The following SLIT2 variants were observed in gnomAD, a reference collection of about 807,000 sequenced individuals.
SLIT2 encodes the protein slit guidance ligand 2, also known as slit homolog 2 protein.
Under a neutral mutation model 185.7 loss-of-function variants are expected in SLIT2, and 41 were observed. The ratio of observed to expected loss-of-function variants is 0.22; its 90% CI spans 0.17 to 0.29. The LOEUF (loss-of-function observed/expected upper bound fraction) is 0.29. SLIT2 is among the 10% of genes least tolerant of loss of function. The probability of loss-of-function intolerance (pLI) is 1.00; values close to 1 mark genes in which losing one functional copy is unlikely to be tolerated. For missense variants in SLIT2, 1,571 were observed against 1,909.0 expected (o/e 0.82, Z 3.30); for synonymous variants, 693 against 680.2 (o/e 1.02, Z -0.29).
At chr4:20,263,029 C>T (rs1450010689) in intron 3 of SLIT2, among the ~76,000 whole-genome samples, 8 of 151,758 alleles carry the variant, frequency 5.3e-5, no homozygotes, top group Non-Finnish European at 2.9e-5. Context: ...CTTTATACCT[C>T]CCCTGAAATG....
At position 20,283,371 on chromosome 4, in the gene SLIT2, G is replaced by T. The variant is rs1325183853; in HGVS notation, c.395+14490G>T. ...TTGGAGCCAAAAGCTTTTATTTTAT[G>T]TACAATTTGGAGATGATTGGTGGAC... On this transcript the variant is annotated intron_variant, in intron 4 of 36. Transcript: ENST00000504154. Among the ~76,000 whole-genome samples the T allele has an allele frequency of 2.6e-5, 4 of 152,216 alleles. No individual in the cohort carries two copies. In the South Asian group the frequency reaches 6.2e-4, roughly 24 times the overall value.
Position 20,472,469 on chromosome 4 carries a change from T to G in SLIT2, c.467+4646T>G, listed in dbSNP as rs1235073507. ...ATCTATATAGATATATCTATATCTA[T>G]ATATAGATATATATCTATATATAGA... On this transcript the variant is annotated intron_variant, in intron 5 of 36. Transcript: ENST00000504154. Among the ~76,000 whole-genome samples the G allele has an allele frequency of 3.3e-4, 18 of 55,192 alleles. 3 individuals are homozygous for G. The highest frequency in any genetic ancestry group is 8.9e-5 in the Non-Finnish European group (3 of 33,554). 36.2% of individuals were successfully genotyped at this position (55,192 alleles called of 152,430 possible).
chr4:20,488,737 C>A, intron 7 of SLIT2, 82 bp from the exon 8 acceptor site: 2 of 973,180 alleles, frequency 2.1e-6, no homozygotes, highest in Non-Finnish European at 3.0e-6. Context: ...TTATCTACTT[C>A]TATGTTAAGA....
chr4:20,611,480 T>C (rs1328866729), intron 34 of SLIT2, among the ~76,000 whole-genome samples: 2 of 152,244 alleles, frequency 1.3e-5, no homozygotes, highest in Non-Finnish European at 2.9e-5. Context: ...AAGTCAAGAA[T>C]GCAGAGGCAT....
chr4:20,264,062 G>A (rs1203005521), intron 3 of SLIT2, among the ~76,000 whole-genome samples: 4 of 151,858 alleles, frequency 2.6e-5, no homozygotes, highest in African/African-American at 9.7e-5. Flanking sequence ...GAAATACCGG[G>A]AAGTAAGGGG....
chr4:20,293,154 T>C (rs1716133498), intron 4 of SLIT2, among the ~76,000 whole-genome samples: 1 of 152,152 alleles, frequency 6.6e-6, no homozygotes, highest in Non-Finnish European at 1.5e-5. Context: ...GTTTGCAGTA[T>C]TAGGTTAAGG....
At chr4:20,472,565 T>G (rs28586575) in intron 5 of SLIT2, among the ~76,000 whole-genome samples, 68 of 6,502 alleles carry the variant, frequency 0.01, 22 homozygotes, top group Non-Finnish European at 0.012. Context: ...GATATATATC[T>G]ATATATAGAT....
At chr4:20,486,155 C>T (rs1401769565) in intron 6 of SLIT2, 45 bp from the exon 7 acceptor site, 2 of 1,162,960 alleles carry the variant, frequency 1.7e-6, no homozygotes, top group Admixed American at 1.7e-5. Context: ...AATGATCAAT[C>T]AATTTTGTAT....
intron 4 of SLIT2, among the ~76,000 whole-genome samples, chr4:20,332,532 A>G (rs1356341750): frequency 6.6e-6 from 1 of 152,060 alleles, no homozygotes; most frequent in African/African-American, 2.4e-5. Context: ...ATACAGAAAA[A>G]TTAGCTGGGT....
chr4:20,428,808 G>A (rs368986854), intron 4 of SLIT2, among the ~76,000 whole-genome samples: 3 of 152,168 alleles, frequency 2.0e-5, no homozygotes, highest in Non-Finnish European at 4.4e-5. Context: ...CATTTGTACA[G>A]TATTAATTTT....
In SLIT2 at chr4:20,542,580, G is replaced by C; in HGVS notation, c.2230G>C (p.Gly744Arg). The C allele has an allele frequency of 6.2e-7, 1 of 1,613,834 alleles. No homozygotes were observed. Among genetic ancestry groups the C allele is most frequent in the Non-Finnish European group, 8.5e-7 (1 of 1,179,832 alleles). ...TACAGTCGTCCGATGTAGCAACAAG[G>C]GTTTGAAGGTCTTGCCGAAAGGTAT... ...LDTVVRCSNK[G>R]LKVLPKGIPR... The change falls in exon 21 of 37, where the codon GGT (glycine) becomes CGT (arginine). Residue 744 changes from glycine (G) to arginine (R), a missense_variant. Transcript: ENST00000504154.
chr4:20,549,223 T>C (rs1031356544), intron 24 of SLIT2, 95 bp downstream of exon 24: 14 of 678,900 alleles, frequency 2.1e-5, no homozygotes, highest in Non-Finnish European at 3.7e-5. Context: ...TGATTCTTGG[T>C]GCTTGAAGAT....
At chr4:20,524,852 A>G (rs915408169) in intron 14 of SLIT2, among the ~76,000 whole-genome samples, 2 of 152,136 alleles carry the variant, frequency 1.3e-5, no homozygotes, top group Non-Finnish European at 2.9e-5. Flanking sequence ...TTCCTTTTTT[A>G]TGATAGAATA....
intron 5 of SLIT2, among the ~76,000 whole-genome samples, chr4:20,472,317 T>TATATATCTATATATATATATAG (rs1715254972): frequency 6.2e-5 from 2 of 32,028 alleles, no homozygotes; most frequent in Non-Finnish European, 4.8e-5. Flanking sequence ...TATATATAGA[T>TATATATCTATATATATATATAG]ATATATATCT....
intron 4 of SLIT2, among the ~76,000 whole-genome samples, chr4:20,342,430 C>G (rs990524802): frequency 2.0e-5 from 3 of 152,040 alleles, no homozygotes; most frequent in African/African-American, 7.2e-5. Context: ...TATATGCTAA[C>G]AGGGTTTTAC....
chr4:20,505,476 A>G (rs1719119362), intron 9 of SLIT2, among the ~76,000 whole-genome samples: 2 of 152,106 alleles, frequency 1.3e-5, no homozygotes, highest in African/African-American at 4.8e-5. Flanking sequence ...TAAAACATTG[A>G]AAATAATGTC....
At chr4:20,486,789 C>T (rs1717286414) in intron 7 of SLIT2, among the ~76,000 whole-genome samples, 1 of 152,030 alleles carries the variant, frequency 6.6e-6, no homozygotes. Context: ...GTATTGACTA[C>T]AGCTGTTTCT....
At chr4:20,370,388 A>C (rs1723473193) in intron 4 of SLIT2, among the ~76,000 whole-genome samples, 2 of 152,114 alleles carry the variant, frequency 1.3e-5, no homozygotes, top group Admixed American at 1.3e-4. Context: ...CTGGTTAAAC[A>C]GAGAGTGTAT....
chr4:20,489,193 T>G (rs547842353), intron 8 of SLIT2, among the ~76,000 whole-genome samples: 1 of 152,358 alleles, frequency 6.6e-6, no homozygotes, highest in East Asian at 1.9e-4. Context: ...ATCTAAATTA[T>G]GATAAAACAC....
Sources: allele counts gnomAD v4.1 joint callset (sites outside exome capture counted in the v4.1 genomes callset), GRCh38; gene constraint gnomAD v4.1.1; transcripts MANE v1.5; gene names NCBI Gene and HGNC (gene_info 2026-07-23, HGNC 2026-07-21).